Variants in CACNB4 observed in about 807,000 individuals in gnomAD.
CACNB4 encodes the protein voltage-dependent L-type calcium channel subunit beta-4.
A neutral mutation model predicts 71.2 loss-of-function variants in CACNB4; 32 were observed. The observed-to-expected ratio is 0.45, with a 90% CI of 0.34 to 0.60. The LOEUF (loss-of-function observed/expected upper bound fraction) is 0.60, where lower values mean the gene tolerates loss of function less well. Ranked by LOEUF, CACNB4 falls within the 20% of genes least tolerant of loss-of-function variation. The pLI, the probability that CACNB4 is intolerant of heterozygous loss-of-function variation, is 0.01. For synonymous variants in CACNB4, 231 were observed against 236.9 expected, an observed-to-expected ratio of 0.97 and a Z score of 0.23; for missense variants, 464 against 647.9, an observed-to-expected ratio of 0.72 and a Z score of 3.08.
chr2:152,080,533 G>A (rs1373396554), intron 2 of CACNB4, among the ~76,000 whole-genome samples: 1 of 152,130 alleles, frequency 6.6e-6, no homozygotes, highest in Non-Finnish European at 1.5e-5. Context: ...TTTACCCTTG[G>A]ACATTGAAAA....
chr2:151,924,073 C>CTTTTTTT (rs59036016), intron 2 of CACNB4, among the ~76,000 whole-genome samples: 42 of 91,452 alleles, frequency 4.6e-4, no homozygotes, highest in Non-Finnish European at 7.0e-4. Context: ...ATTCTGAAAT[C>CTTTTTTT]TTTTTTTTTT....
At chr2:151,864,198 TTC>T (rs2099842503) in intron 9 of CACNB4, among the ~76,000 whole-genome samples, 2 of 152,174 alleles carry the variant, frequency 1.3e-5, no homozygotes, top group Admixed American at 1.3e-4. Context: ...TTGGAAAACT[TTC>T]TGTGACTTGC....
At chr2:151,928,403 G>A (rs563484119) in intron 2 of CACNB4, among the ~76,000 whole-genome samples, 1 of 152,236 alleles carries the variant, frequency 6.6e-6, no homozygotes, top group South Asian at 2.1e-4. Flanking sequence ...TAAAGGCAAG[G>A]ACCATGCCTC....
intron 12 of CACNB4, chr2:151,850,964 C>T (rs1488658927): frequency 1.3e-5 from 2 of 152,146 alleles, no homozygotes; most frequent in Admixed American, 6.5e-5. Flanking sequence ...CTGGCTACAG[C>T]GTTAACTTTT....
At chr2:152,009,265 T>C (rs575688416) in intron 2 of CACNB4, among the ~76,000 whole-genome samples, 22 of 146,594 alleles carry the variant, frequency 1.5e-4, no homozygotes, top group Non-Finnish European at 2.1e-4. Context: ...GATTGAAAAA[T>C]AGGGCACAGA....
At chr2:151,919,410 T>G (rs1416838786) in intron 2 of CACNB4, among the ~76,000 whole-genome samples, 1 of 152,154 alleles carries the variant, frequency 6.6e-6, no homozygotes, top group African/African-American at 2.4e-5. Context: ...ATGAGGATTC[T>G]GAGGACAAAA....
chr2:152,085,812 T>C (rs540694355), intron 2 of CACNB4, among the ~76,000 whole-genome samples: 4 of 126,054 alleles, frequency 3.2e-5, no homozygotes, highest in Admixed American at 1.8e-4. Flanking sequence ...GCTGCAGCCA[T>C]TAAAAAAAAA....
intron 2 of CACNB4, among the ~76,000 whole-genome samples, chr2:152,083,427 C>T (rs1294340499): frequency 6.6e-6 from 1 of 152,060 alleles, no homozygotes; most frequent in Non-Finnish European, 1.5e-5. Context: ...TTTTATTCTG[C>T]TGGAACTATT....
intron 2 of CACNB4, among the ~76,000 whole-genome samples, chr2:151,995,060 A>T (rs1681962432): frequency 6.6e-6 from 1 of 152,200 alleles, no homozygotes; most frequent in East Asian, 1.9e-4. Context: ...TGGTTTTTAC[A>T]TCTCTCAGAA....
chr2:151,878,143 G>T (rs2099846916), intron 4 of CACNB4, among the ~76,000 whole-genome samples: 1 of 151,708 alleles, frequency 6.6e-6, no homozygotes, highest in African/African-American at 2.4e-5. Flanking sequence ...ATGTAACAAT[G>T]ATATGTAGTA....
chr2:151,898,641 T>G (rs995255865), intron 2 of CACNB4, among the ~76,000 whole-genome samples: 2 of 152,242 alleles, frequency 1.3e-5, no homozygotes, highest in Non-Finnish European at 2.9e-5. Context: ...TCTCATTATC[T>G]TTGCTTTTCT....
chr2:151,898,398 C>A (rs1001438289), intron 2 of CACNB4, among the ~76,000 whole-genome samples: 1 of 152,172 alleles, frequency 6.6e-6, no homozygotes, highest in East Asian at 1.9e-4. Context: ...CCTCTGCTAG[C>A]TGACCCACAT....
At chr2:151,915,721 C>T (rs2099857308) in intron 2 of CACNB4, among the ~76,000 whole-genome samples, 1 of 152,104 alleles carries the variant, frequency 6.6e-6, no homozygotes, top group Admixed American at 6.6e-5. Context: ...GTGGCAGGTG[C>T]CTGTAATCCT....
intron 2 of CACNB4, among the ~76,000 whole-genome samples, chr2:152,025,506 A>T (rs1413851317): frequency 1.3e-5 from 2 of 152,234 alleles, no homozygotes. Context: ...ACAAATATGC[A>T]TTGTGCCTTA....
chr2:151,965,500 A>G (rs1218017854), intron 2 of CACNB4, among the ~76,000 whole-genome samples: 1 of 152,268 alleles, frequency 6.6e-6, no homozygotes, highest in Non-Finnish European at 1.5e-5. Flanking sequence ...AAAGGATAAT[A>G]ATAATGAGCT....
chr2:151,909,349 T>C (rs941456615), intron 2 of CACNB4, among the ~76,000 whole-genome samples: 4 of 150,744 alleles, frequency 2.7e-5, no homozygotes, highest in Admixed American at 6.6e-5. Context: ...GCAGGGAGAA[T>C]TGCTTGAACC....
At chr2:151,883,890 T>C (rs909866182) in intron 2 of CACNB4, 2 of 198,506 alleles carry the variant, frequency 1.0e-5, no homozygotes, top group African/African-American at 4.8e-5. Context: ...TACTAAAACT[T>C]CAATCATTGT....
At chr2:151,964,551 T>A (rs2099870553) in intron 2 of CACNB4, among the ~76,000 whole-genome samples, 1 of 152,200 alleles carries the variant, frequency 6.6e-6, no homozygotes, top group African/African-American at 2.4e-5. Flanking sequence ...ATTTTTAAGA[T>A]TCAACATTAG....
In CACNB4 at chr2:152,028,881, A is replaced by C. The variant is rs7563674; in HGVS notation, c.147+69449T>G. 3.0e-3 allele frequency among the ~76,000 whole-genome samples: 463 copies of C among 152,352 alleles called. 3 individuals are homozygous for C. Among genetic ancestry groups the C allele is most frequent in the African/African-American group, 0.01 (420 of 41,578 alleles). On this transcript the variant is annotated intron_variant, in intron 2 of 13. Coordinates refer to ENST00000539935, the MANE Select transcript of CACNB4 (RefSeq NM_000726.5). Reference sequence around the variant, plus strand: ...TACAAGTGCTAGGGATGGAAAACTAAAGAAAGTATTTGTCCAAGAAAGCTT... The same window carrying C: ...TACAAGTGCTAGGGATGGAAAACTACAGAAAGTATTTGTCCAAGAAAGCTT...
Sources: allele counts gnomAD v4.1 joint callset (sites outside exome capture counted in the v4.1 genomes callset), GRCh38; gene constraint gnomAD v4.1.1; transcripts MANE v1.5; gene names NCBI Gene and HGNC (gene_info 2026-07-23, HGNC 2026-07-21).